RFX6: variants seen among roughly 807,000 people sequenced by gnomAD.
RFX6 encodes the protein regulatory factor X6.
A neutral mutation model predicts 110.8 loss-of-function variants in RFX6; 50 were observed. The observed-to-expected ratio is 0.45, with a 90% CI of 0.36 to 0.57. The LOEUF (loss-of-function observed/expected upper bound fraction) is 0.57. RFX6 is among the 20% of genes least tolerant of loss of function. The pLI is 0.00. For synonymous variants in RFX6, 383 were observed against 411.2 expected, an observed-to-expected ratio of 0.93 and a Z score of 0.83; for missense variants, 990 against 1,127.0, an observed-to-expected ratio of 0.88 and a Z score of 1.74.
intron 7 of RFX6, among the ~76,000 whole-genome samples, chr6:116,912,655 C>T (rs1322841763): frequency 2.0e-5 from 3 of 152,036 alleles, no homozygotes; most frequent in African/African-American, 7.2e-5. Flanking sequence ...TGCTTCCATG[C>T]AAACTTATCA....
intron 6 of RFX6, among the ~76,000 whole-genome samples, chr6:116,899,665 T>A (rs1775024831): frequency 6.6e-6 from 1 of 152,152 alleles, no homozygotes; most frequent in African/African-American, 2.4e-5. Flanking sequence ...TGCAAAAAAA[T>A]TTCTATACCT....
chr6:116,929,955 C>T (rs1279569599), intron 18 of RFX6, among the ~76,000 whole-genome samples: 3 of 152,198 alleles, frequency 2.0e-5, no homozygotes, highest in African/African-American at 7.2e-5. Flanking sequence ...TCTAGCAGCT[C>T]ATCTTCTGCT....
intron 3 of RFX6, among the ~76,000 whole-genome samples, chr6:116,881,382 T>C (rs1393200429): frequency 2.0e-5 from 3 of 152,098 alleles, no homozygotes; most frequent in Non-Finnish European, 4.4e-5. Flanking sequence ...TATTGTATCT[T>C]ACACAAATTG....
chr6:116,884,617 A>G (rs1774660541), intron 4 of RFX6, among the ~76,000 whole-genome samples: 1 of 152,134 alleles, frequency 6.6e-6, no homozygotes, highest in Admixed American at 6.5e-5. Flanking sequence ...AGATAGGGGG[A>G]AAAGAGGCCG....
intron 7 of RFX6, among the ~76,000 whole-genome samples, chr6:116,911,800 G>A (rs879273213): frequency 9.2e-5 from 14 of 152,072 alleles, no homozygotes; most frequent in Admixed American, 4.6e-4. Context: ...GAGTTAGTTC[G>A]TATTTCTGAG....
At chr6:116,904,097 G>A (rs1366748289) in intron 6 of RFX6, among the ~76,000 whole-genome samples, 1 of 151,994 alleles carries the variant, frequency 6.6e-6, no homozygotes, top group African/African-American at 2.4e-5. Context: ...TCTTGTGGGT[G>A]TAAAATCATG....
Position 116,925,528 on chromosome 6 carries a change from C to T in RFX6, c.1754C>T (p.Ser585Phe), listed in dbSNP as rs1390371738. ...LANRNKGSMV[S>F]SDAVKNESHV... ...AACCGTAATAAAGGGAGCATGGTTT[C>T]CAGCGACGCTGTGAAGAATGAAAGC... Residue 585 changes from serine (S) to phenylalanine (F), a missense_variant, in exon 16 of 19, where the codon TCC becomes TTC. Transcript: ENST00000332958. 6.2e-7 allele frequency: 1 copy of T among 1,614,124 alleles called. No homozygotes were observed. Among genetic ancestry groups the T allele is most frequent in the East Asian group, 2.2e-5 (1 of 44,876 alleles).
Position 116,928,808 on chromosome 6 carries a change from A to C in RFX6, c.2448A>C (p.Ser816=). 6.2e-7 allele frequency: 1 copy of C among 1,614,050 alleles called. No homozygotes were observed. The highest frequency in any genetic ancestry group is 8.5e-7 in the Non-Finnish European group (1 of 1,179,922). ...ACCCAGAGTCTCACAGGCTCGGATC[A>C]ATGGTGAATCAGCACGTTTCTGTCA... ...INYPESHRLG[S]MVNQHVSVIS... Residue 816 remains serine (S), a synonymous_variant, in exon 18 of 19, where the codon TCA becomes TCC. Coordinates refer to ENST00000332958, the MANE Select transcript of RFX6 (RefSeq NM_173560.4).
Position 116,895,227 on chromosome 6 carries a change from C to A in RFX6, c.672+20C>A. 1 of 1,339,550 alleles carries A rather than the reference C, an allele frequency of 7.5e-7. No individual in the cohort carries two copies. The highest frequency in any genetic ancestry group is 2.3e-5 in the East Asian group (1 of 43,324). The allele number at this position is 1,339,550 out of a possible 1,614,324, so 83.0% of individuals were successfully genotyped here. A position where few individuals can be genotyped will look rare whatever the true frequency, so the allele number is the denominator to read the frequency against. ...AATGAGGTAAGAATTATTTTCATCT[C>A]TATTTTACATCTGCTATAATATGTC... On this transcript the variant is annotated intron_variant, in intron 6 of 18. Coordinates refer to ENST00000332958, the MANE Select transcript of RFX6 (RefSeq NM_173560.4).
chr6:116,899,627 C>G (rs1013378957), intron 6 of RFX6, among the ~76,000 whole-genome samples: 1 of 152,084 alleles, frequency 6.6e-6, no homozygotes, highest in African/African-American at 2.4e-5. Flanking sequence ...TAAAATTATT[C>G]AGGAGGTGTT....
intron 4 of RFX6, among the ~76,000 whole-genome samples, chr6:116,885,806 A>G (rs970544616): frequency 6.6e-6 from 1 of 152,148 alleles, no homozygotes; most frequent in African/African-American, 2.4e-5. Flanking sequence ...TTACCATGCC[A>G]CAATTGTAAG....
chr6:116,912,944 ACT>A (rs1426526892), intron 7 of RFX6, among the ~76,000 whole-genome samples: 6 of 152,050 alleles, frequency 3.9e-5, no homozygotes, highest in African/African-American at 9.6e-5. Flanking sequence ...AGGGACTGAC[ACT>A]CTTTTTTGAG....
Position 116,896,627 on chromosome 6 carries a change from G to C in RFX6, c.672+1420G>C, listed in dbSNP as rs184622492. On this transcript the variant is annotated intron_variant, in intron 6 of 18. Coordinates refer to ENST00000332958, the MANE Select transcript of RFX6 (RefSeq NM_173560.4). ...AGGCTGAGGCAGCAGAATCACTTGA[G>C]CCCTAGAGGCTCGGAGGTTGCAGTG... Among the ~76,000 whole-genome samples the C allele has an allele frequency of 2.2e-3, 331 of 152,124 alleles. 1 individual carries two copies. Among genetic ancestry groups the C allele is most frequent in the African/African-American group, 7.3e-3 (304 of 41,502 alleles).
intron 6 of RFX6, among the ~76,000 whole-genome samples, chr6:116,897,307 G>GT (rs1456561113): frequency 6.6e-6 from 1 of 152,040 alleles, no homozygotes; most frequent in East Asian, 1.9e-4. Context: ...ATGCTTAGTA[G>GT]TATCACAGCA....
chr6:116,912,095 A>T (rs1775364291), intron 7 of RFX6, among the ~76,000 whole-genome samples: 1 of 152,142 alleles, frequency 6.6e-6, no homozygotes, highest in Non-Finnish European at 1.5e-5. Flanking sequence ...AGAAAACTAA[A>T]TACTACATGT....
chr6:116,908,671 C>T (rs1562141650), intron 6 of RFX6, among the ~76,000 whole-genome samples: 1 of 62,050 alleles, frequency 1.6e-5, no homozygotes. Flanking sequence ...TTCTAGCATA[C>T]ACACACACAC....
chr6:116,928,964 A>G lies in RFX6; in HGVS notation c.2604A>G (p.Pro868=). 1 of 1,598,296 alleles carries G rather than the reference A, an allele frequency of 6.3e-7. No individual in the cohort carries two copies. The highest frequency in any genetic ancestry group is 8.6e-7 in the Non-Finnish European group (1 of 1,165,458). The part of the protein sequence containing the change: ...DTSSPVACRT[P]VLASSLQTPI... ...CATCTCCAGTTGCATGTCGAACTCC[A>G]GTCCTAGGTAAATTATTTTAGCAGT... Residue 868 remains proline, a synonymous_variant, in exon 18 of 19, where the codon CCA becomes CCG. Coordinates refer to ENST00000332958, the MANE Select transcript of RFX6 (RefSeq NM_173560.4).
chr6:116,923,393 A>G (rs1775644239), intron 14 of RFX6, 169 bp downstream of exon 14: 1 of 615,816 alleles, frequency 1.6e-6, no homozygotes, highest in African/African-American at 1.8e-5. Context: ...GAGTCAGACC[A>G]TAAGCAGGAT....
At chr6:116,878,956 A>C (rs1051395325) in intron 2 of RFX6, among the ~76,000 whole-genome samples, 2 of 151,924 alleles carry the variant, frequency 1.3e-5, no homozygotes, top group Non-Finnish European at 2.9e-5. Context: ...TAACTATTGA[A>C]GTTGATGTCG....
Sources: gnomAD v4.1 joint callset for allele counts (sites outside exome capture counted in the v4.1 genomes callset) on GRCh38, gnomAD v4.1.1 for gene constraint, MANE v1.5 for transcripts, NCBI Gene and HGNC (gene_info 2026-07-23, HGNC 2026-07-21) for gene names.